The following APBB2 variants were observed in gnomAD, a reference collection of about 807,000 sequenced individuals.
APBB2 encodes the protein Fe65-like 1.
Under a neutral mutation model 82.5 loss-of-function variants are expected in APBB2, and 38 were observed. That is an observed-to-expected ratio of 0.46 (90% CI 0.36 to 0.60). The LOEUF (loss-of-function observed/expected upper bound fraction) is 0.60. Ranked by LOEUF, APBB2 falls within the 20% of genes least tolerant of loss-of-function variation. The probability of loss-of-function intolerance (pLI) is 0.00; values close to 1 mark genes in which losing one functional copy is unlikely to be tolerated. For synonymous variants in APBB2, 341 were observed against 368.2 expected (o/e 0.93, Z 0.85); for missense variants, 772 against 972.3 (o/e 0.79, Z 2.74).
chr4:40,878,271 C>T (rs1462581771), intron 12 of APBB2, among the ~76,000 whole-genome samples: 1 of 151,966 alleles, frequency 6.6e-6, no homozygotes, highest in African/African-American at 2.4e-5. Context: ...CACTTGAACC[C>T]GGGAGGCTGA....
intron 12 of APBB2, among the ~76,000 whole-genome samples, chr4:40,876,251 C>T (rs1467972578): frequency 2.0e-5 from 3 of 152,104 alleles, no homozygotes; most frequent in South Asian, 2.1e-4. Context: ...TTTAAAATAT[C>T]CAATTTGATA....
intron 6 of APBB2, among the ~76,000 whole-genome samples, chr4:40,961,159 T>A (rs1793093877): frequency 6.6e-6 from 1 of 152,088 alleles, no homozygotes; most frequent in Admixed American, 6.6e-5. Context: ...GGAAGTACAT[T>A]TTTATTGTAA....
At chr4:40,948,841 A>G (rs1789215295) in intron 6 of APBB2, among the ~76,000 whole-genome samples, 1 of 145,990 alleles carries the variant, frequency 6.8e-6, no homozygotes. Context: ...TGGAGCCATA[A>G]TCATGCCACT....
intron 6 of APBB2, among the ~76,000 whole-genome samples, chr4:41,004,577 A>T (rs1478825146): frequency 6.6e-6 from 1 of 152,024 alleles, no homozygotes; most frequent in African/African-American, 2.4e-5. Flanking sequence ...ACGATGGTTC[A>T]CGCCTGTAAT....
chr4:41,034,256 A>T (rs1718241568), intron 4 of APBB2, among the ~76,000 whole-genome samples: 3 of 152,198 alleles, frequency 2.0e-5, no homozygotes, highest in African/African-American at 7.2e-5. Context: ...ATACACCCAT[A>T]CAATGAAGTA....
intron 1 of APBB2, among the ~76,000 whole-genome samples, chr4:41,187,679 T>C (rs1580717852): frequency 6.6e-6 from 1 of 152,216 alleles, no homozygotes; most frequent in African/African-American, 2.4e-5. Flanking sequence ...TGTACACACA[T>C]ACACATTCAT....
intron 3 of APBB2, among the ~76,000 whole-genome samples, chr4:41,090,719 G>C (rs148036496): frequency 0.014 from 2,165 of 152,258 alleles, 30 homozygotes; most frequent in East Asian, 0.035. Context: ...AATTTTGCCA[G>C]AACAGCAGGC....
chr4:41,057,056 A>G (rs1449906601), intron 4 of APBB2, among the ~76,000 whole-genome samples: 1 of 152,260 alleles, frequency 6.6e-6, no homozygotes, highest in Non-Finnish European at 1.5e-5. Context: ...GGAGGAATTC[A>G]GGGGAGAAAA....
intron 5 of APBB2, 74 bp from the exon 6 acceptor site, chr4:41,014,472 A>G: frequency 7.4e-7 from 1 of 1,360,206 alleles, no homozygotes; most frequent in Non-Finnish European, 1.0e-6. Context: ...AAATATTTTT[A>G]TATAGAAAAC....
At chr4:40,821,162 G>A (rs900848670) in intron 17 of APBB2, among the ~76,000 whole-genome samples, 5 of 152,162 alleles carry the variant, frequency 3.3e-5, no homozygotes, top group South Asian at 4.1e-4. Context: ...CACCACCCCC[G>A]GCCCAGTTCC....
chr4:41,109,474 T>C (rs1041887820), intron 2 of APBB2, among the ~76,000 whole-genome samples: 2 of 151,798 alleles, frequency 1.3e-5, no homozygotes, highest in Non-Finnish European at 2.9e-5. Flanking sequence ...GTTGTTTTGT[T>C]TTTTGTTTGT....
chr4:40,954,817 T>A (rs541912685), intron 6 of APBB2, among the ~76,000 whole-genome samples: 2 of 152,134 alleles, frequency 1.3e-5, no homozygotes, highest in Non-Finnish European at 2.9e-5. Context: ...GCACACACCA[T>A]CACACCCGGG....
In APBB2 at chr4:41,192,764, C is replaced by T. The variant is rs116543971; in HGVS notation, c.-417+21641G>A. Among the ~76,000 whole-genome samples the T allele has an allele frequency of 5.7e-3, 864 of 152,166 alleles. 4 individuals are homozygous for T. Among genetic ancestry groups the T allele is most frequent in the Middle Eastern group, 0.014 (4 of 294 alleles). On this transcript the variant is annotated intron_variant, in intron 1 of 17. Coordinates refer to ENST00000508593, the MANE Select transcript of APBB2 (RefSeq NM_004307.2). ...GATAAATGAACAGATTTTAGCTGCT[C>T]TTGGCACAAAAACAAAACAAAAAAA...
intron 2 of APBB2, among the ~76,000 whole-genome samples, chr4:41,120,944 C>T (rs1429890554): frequency 7.9e-5 from 12 of 152,212 alleles, no homozygotes; most frequent in African/African-American, 2.9e-4. Flanking sequence ...CAGATAGTGA[C>T]TAATTCAGGG....
At chr4:41,088,073 C>T (rs1403550975) in intron 3 of APBB2, among the ~76,000 whole-genome samples, 1 of 152,080 alleles carries the variant, frequency 6.6e-6, no homozygotes, top group Non-Finnish European at 1.5e-5. Context: ...ATATAGAATT[C>T]GTGATTGACA....
intron 10 of APBB2, among the ~76,000 whole-genome samples, chr4:40,930,001 G>A (rs575531957): frequency 3.1e-4 from 47 of 152,252 alleles, no homozygotes; most frequent in African/African-American, 9.9e-4. Context: ...TGACCAGGCC[G>A]AGGACTACAC....
chr4:41,145,305 C>T (rs1167812975), intron 1 of APBB2, among the ~76,000 whole-genome samples: 1 of 152,066 alleles, frequency 6.6e-6, no homozygotes. Flanking sequence ...TAAGCCCGTG[C>T]CCAGAGAGGT....
chr4:41,193,443 G>C (rs1246077427), intron 1 of APBB2: 2 of 295,702 alleles, frequency 6.8e-6, no homozygotes, highest in African/African-American at 4.5e-5. Context: ...CAAGGTCACA[G>C]CTGGTGACAA....
intron 13 of APBB2, 145 bp from the exon 14 acceptor site, chr4:40,827,364 T>A: frequency 1.6e-6 from 1 of 628,594 alleles, no homozygotes; most frequent in African/African-American, 1.9e-5. Flanking sequence ...CCTGCATCTC[T>A]GGGGCTACAT....
Sources: gnomAD v4.1 joint callset for allele counts (sites outside exome capture counted in the v4.1 genomes callset) on GRCh38, gnomAD v4.1.1 for gene constraint, MANE v1.5 for transcripts, NCBI Gene and HGNC (gene_info 2026-07-23, HGNC 2026-07-21) for gene names.